The following KCND2 variants were observed in gnomAD, a reference collection of about 807,000 sequenced individuals.
KCND2 encodes A-type voltage-gated potassium channel KCND2.
KCND2 carries 16 observed loss-of-function variants against 54.4 expected under a neutral mutation model. The ratio of observed to expected loss-of-function variants is 0.29; its 90% CI spans 0.20 to 0.45. KCND2 has a LOEUF of 0.45. KCND2 is among the 20% of genes least tolerant of loss of function. KCND2 has a pLI of 1.00. For synonymous variants in KCND2, 317 were observed against 310.7 expected, an observed-to-expected ratio of 1.02 and a Z score of -0.21; for missense variants, 486 against 824.2, an observed-to-expected ratio of 0.59 and a Z score of 5.02.
chr7:120,444,992 C>G lies in KCND2; in HGVS notation c.1115+169245C>G, dbSNP rs1430627884. The stretch of plus-strand genomic sequence containing the variant: ...TAATTTCAGGCAATTTAATTTTCTG[C>G]CCACTTCACAAAGAAATGTCAGGCT... On this transcript the variant is annotated intron_variant, in intron 1 of 5. Coordinates refer to ENST00000331113, the MANE Select transcript of KCND2 (RefSeq NM_012281.3). 8.5e-5 allele frequency among the ~76,000 whole-genome samples: 13 copies of G among 152,156 alleles called. No homozygotes were observed. In the East Asian group the frequency reaches 2.5e-3, roughly 29 times the overall value.
intron 1 of KCND2, among the ~76,000 whole-genome samples, chr7:120,515,840 T>A (rs1486547990): frequency 2.0e-5 from 3 of 151,944 alleles, no homozygotes. Flanking sequence ...TTCAGCCAAG[T>A]CCTCTCTTCA....
At chr7:120,561,598 ATTTTTTTTTTTTT>A (rs57015988) in intron 1 of KCND2, among the ~76,000 whole-genome samples, 4 of 47,334 alleles carry the variant, frequency 8.5e-5, no homozygotes, top group Non-Finnish European at 1.2e-4. Flanking sequence ...AAGCTACCTG[ATTTTTTTTTTTTT>A]TTTTTTTTTT....
intron 1 of KCND2, among the ~76,000 whole-genome samples, chr7:120,315,448 A>G (rs1168146196): frequency 1.3e-5 from 2 of 152,166 alleles, no homozygotes; most frequent in African/African-American, 2.4e-5. Flanking sequence ...ACCGGAAACA[A>G]TGTAAACCTT....
chr7:120,599,158 C>T (rs1246441034), intron 1 of KCND2, among the ~76,000 whole-genome samples: 2 of 152,044 alleles, frequency 1.3e-5, no homozygotes, highest in East Asian at 1.9e-4. Context: ...ATTTTTAAAT[C>T]GTGGTTGGTT....
intron 1 of KCND2, among the ~76,000 whole-genome samples, chr7:120,676,516 C>T (rs1280941820): frequency 6.6e-6 from 1 of 152,020 alleles, no homozygotes; most frequent in Admixed American, 6.6e-5. Context: ...AAACCTGTCT[C>T]GTATTTTCTT....
chr7:120,328,839 AGAT>A (rs1465384624), intron 1 of KCND2, among the ~76,000 whole-genome samples: 9 of 152,164 alleles, frequency 5.9e-5, no homozygotes, highest in Admixed American at 2.6e-4. Context: ...GCAAGTTAGC[AGAT>A]GATATTTCAA....
At chr7:120,389,830 G>A (rs1168847327) in intron 1 of KCND2, among the ~76,000 whole-genome samples, 1 of 151,814 alleles carries the variant, frequency 6.6e-6, no homozygotes. Flanking sequence ...CTGGGTTGTT[G>A]AATAATTTTT....
Position 120,274,579 on chromosome 7 carries a change from C to T in KCND2, c.-54C>T. The T allele has an allele frequency of 2.5e-6, 4 of 1,610,688 alleles. No individual in the cohort carries two copies. The highest frequency in any genetic ancestry group is 1.7e-4 in the Middle Eastern group (1 of 5,926). The stretch of plus-strand genomic sequence containing the variant: ...GGAAGTGGGTGACTTTTGGCTGCTT[C>T]GGTGACCCATTGTAGACGCCTCGTT... On this transcript the variant is annotated 5_prime_UTR_variant, in exon 1 of 6. Transcript: ENST00000331113.
chr7:120,532,504 CA>C (rs1562865688), intron 1 of KCND2, among the ~76,000 whole-genome samples: 1 of 151,558 alleles, frequency 6.6e-6, no homozygotes, highest in Non-Finnish European at 1.5e-5. Flanking sequence ...TATATGTCAC[CA>C]AGTCAGTTTT....
At chr7:120,334,482 G>C (rs1800116450) in intron 1 of KCND2, among the ~76,000 whole-genome samples, 1 of 152,114 alleles carries the variant, frequency 6.6e-6, no homozygotes, top group Non-Finnish European at 1.5e-5. Context: ...GTCCTTACTA[G>C]AGTTGATAAT....
intron 1 of KCND2, among the ~76,000 whole-genome samples, chr7:120,732,525 C>A (rs1289903595): frequency 1.3e-5 from 2 of 152,026 alleles, no homozygotes; most frequent in African/African-American, 4.8e-5. Flanking sequence ...GTTGAAAAAA[C>A]TAAGTGGAAA....
At chr7:120,327,780 A>G (rs2116342054) in intron 1 of KCND2, among the ~76,000 whole-genome samples, 1 of 152,044 alleles carries the variant, frequency 6.6e-6, no homozygotes, top group African/African-American at 2.4e-5. Context: ...AGTTTTAAAT[A>G]TAACCTTCTT....
At chr7:120,287,351 T>C (rs1393357072) in intron 1 of KCND2, among the ~76,000 whole-genome samples, 1 of 152,128 alleles carries the variant, frequency 6.6e-6, no homozygotes, top group Non-Finnish European at 1.5e-5. Context: ...CTGAGGATCA[T>C]CAGGATTAGG....
chr7:120,654,106 T>G (rs1416610163), intron 1 of KCND2, among the ~76,000 whole-genome samples: 1 of 152,210 alleles, frequency 6.6e-6, no homozygotes, highest in Non-Finnish European at 1.5e-5. Context: ...TTCTATTGTT[T>G]GATTACTGGG....
chr7:120,455,873 C>T (rs1300659208), intron 1 of KCND2, among the ~76,000 whole-genome samples: 1 of 152,016 alleles, frequency 6.6e-6, no homozygotes, highest in Admixed American at 6.6e-5. Flanking sequence ...ATGCTTATTA[C>T]CTGGTTGATG....
chr7:120,741,293 C>T (rs1055463103), intron 2 of KCND2, among the ~76,000 whole-genome samples: 6 of 152,040 alleles, frequency 3.9e-5, no homozygotes, highest in Non-Finnish European at 8.8e-5. Flanking sequence ...ATTGTAAAGA[C>T]TTAATTATAA....
At chr7:120,618,347 C>T (rs888505447) in intron 1 of KCND2, among the ~76,000 whole-genome samples, 3 of 152,054 alleles carry the variant, frequency 2.0e-5, no homozygotes, top group Non-Finnish European at 4.4e-5. Flanking sequence ...TCTAAAATGC[C>T]TGTAGATAAT....
chr7:120,345,289 A>G (rs1335189252), intron 1 of KCND2, among the ~76,000 whole-genome samples: 2 of 152,194 alleles, frequency 1.3e-5, no homozygotes, highest in Non-Finnish European at 2.9e-5. Flanking sequence ...GTTTGAATGT[A>G]ATTGATCATA....
At chr7:120,619,987 G>C (rs1408199051) in intron 1 of KCND2, among the ~76,000 whole-genome samples, 1 of 152,018 alleles carries the variant, frequency 6.6e-6, no homozygotes, top group Non-Finnish European at 1.5e-5. Flanking sequence ...CTACTCAAGT[G>C]GTTGCTTTAT....
Sources: gnomAD v4.1 joint callset for allele counts (sites outside exome capture counted in the v4.1 genomes callset) on GRCh38, gnomAD v4.1.1 for gene constraint, MANE v1.5 for transcripts, NCBI Gene and HGNC (gene_info 2026-07-23, HGNC 2026-07-21) for gene names.